Variants in CHODL observed in about 807,000 individuals in gnomAD.
CHODL encodes the protein transmembrane protein MT75.
In CHODL, 29 loss-of-function variants were observed where a neutral mutation model predicts 34.5. The observed-to-expected ratio is 0.84, with a 90% CI of 0.63 to 1.15. The LOEUF is 1.15. Ranked by LOEUF, CHODL falls within the 50% of genes most tolerant of loss-of-function variation. The probability of loss-of-function intolerance (pLI) is 0.00; values close to 1 mark genes in which losing one functional copy is unlikely to be tolerated. For missense variants in CHODL, 332 were observed against 332.5 expected, an observed-to-expected ratio of 1.00 and a Z score of 0.01; for synonymous variants, 125 against 116.1, an observed-to-expected ratio of 1.08 and a Z score of -0.49.
chr21:18,095,285 A>G (rs1268233375), intron 2 of CHODL, among the ~76,000 whole-genome samples: 1 of 152,144 alleles, frequency 6.6e-6, no homozygotes, highest in East Asian at 1.9e-4. Context: ...AAAAGGAGAG[A>G]AGATCCAAAT....
At chr21:18,165,184 G>C (rs2073138037) in intron 2 of CHODL, among the ~76,000 whole-genome samples, 1 of 152,170 alleles carries the variant, frequency 6.6e-6, no homozygotes, top group Non-Finnish European at 1.5e-5. Context: ...ATCGTCATTT[G>C]GGAGAAACAA....
chr21:18,218,957 GTC>G (rs1394153193), intron 2 of CHODL, among the ~76,000 whole-genome samples: 2 of 152,108 alleles, frequency 1.3e-5, no homozygotes, highest in African/African-American at 4.8e-5. Context: ...ACATCTTCCT[GTC>G]TTCCTAGCCC....
chr21:18,171,198 G>GTTCTTTGTTTTTTTT, intron 2 of CHODL, among the ~76,000 whole-genome samples: 1 of 37,082 alleles, frequency 2.7e-5, no homozygotes, highest in Non-Finnish European at 4.0e-5. Flanking sequence ...GTTTTCTTTA[G>GTTCTTTGTTTTTTTT]TTTTTTTTTT....
chr21:18,090,052 G>C (rs938881156), intron 2 of CHODL, among the ~76,000 whole-genome samples: 14 of 152,102 alleles, frequency 9.2e-5, no homozygotes, highest in African/African-American at 3.1e-4. Flanking sequence ...TTAGTCAGCT[G>C]GATATTCACA....
intron 2 of CHODL, among the ~76,000 whole-genome samples, chr21:18,059,783 C>T (rs1048087684): frequency 8.5e-5 from 13 of 152,084 alleles, no homozygotes; most frequent in African/African-American, 2.4e-4. Flanking sequence ...CACTTATAAG[C>T]GGGGAGTGAA....
rs2146698641 is a variant in CHODL, at chr21:18,195,023, A to G, written c.-44-61486A>G. On this transcript the variant is annotated intron_variant, in intron 2 of 6. Transcript: ENST00000400127. Reference sequence around the variant, plus strand: ...GAATACAATACATTGTTATTAATACAATACATTATTTATTTATTTATTTAT... The same window carrying G: ...GAATACAATACATTGTTATTAATACGATACATTATTTATTTATTTATTTAT... Among the ~76,000 whole-genome samples the G allele has an allele frequency of 1.4e-5, 2 of 143,338 alleles. 1 individual carries two copies. Among genetic ancestry groups the G allele is most frequent in the East Asian group, 4.0e-4 (2 of 4,954 alleles). The allele number at this position is 143,338 out of a possible 152,430, so 94.0% of individuals were successfully genotyped here. A position where few individuals can be genotyped will look rare whatever the true frequency, so the allele number is the denominator to read the frequency against.
chr21:17,985,765 A>G (rs1374121273), intron 1 of CHODL, among the ~76,000 whole-genome samples: 1 of 152,190 alleles, frequency 6.6e-6, no homozygotes, highest in African/African-American at 2.4e-5. Context: ...TGGGGAAATA[A>G]CCACTTAAAC....
chr21:17,982,580 T>G (rs2063722345), intron 1 of CHODL, among the ~76,000 whole-genome samples: 1 of 151,722 alleles, frequency 6.6e-6, no homozygotes, highest in Non-Finnish European at 1.5e-5. Flanking sequence ...TATTGTGTAC[T>G]CTTTTAAAAA....
intron 2 of CHODL, among the ~76,000 whole-genome samples, chr21:18,090,377 C>T (rs528789509): frequency 1.3e-5 from 2 of 152,202 alleles, no homozygotes; most frequent in African/African-American, 4.8e-5. Flanking sequence ...GGTCAAGAAG[C>T]CCTGCCAGGG....
At chr21:18,010,850 T>G (rs562548406) in intron 1 of CHODL, among the ~76,000 whole-genome samples, 8 of 152,366 alleles carry the variant, frequency 5.3e-5, no homozygotes, top group South Asian at 2.1e-4. Flanking sequence ...ACAGCTTTGT[T>G]TGTTTAAGCA....
chr21:17,966,354 A>G (rs2063571875), intron 1 of CHODL, among the ~76,000 whole-genome samples: 1 of 152,240 alleles, frequency 6.6e-6, no homozygotes, highest in Non-Finnish European at 1.5e-5. Context: ...TTTGGGCGGC[A>G]GTAGGTATTA....
At chr21:18,046,840 G>T (rs1055576427) in intron 2 of CHODL, among the ~76,000 whole-genome samples, 2 of 151,830 alleles carry the variant, frequency 1.3e-5, no homozygotes. Flanking sequence ...TTATCACTGC[G>T]GTCGTTAGTT....
At chr21:18,241,642 T>C (rs968061849), upstream of CHODL, among the ~76,000 whole-genome samples, 45 of 152,240 alleles carry the variant, frequency 3.0e-4, no homozygotes, top group African/African-American at 9.6e-4. Context: ...TGTCCTTCCT[T>C]GAGACGTATT....
intron 5 of CHODL, among the ~76,000 whole-genome samples, chr21:18,264,391 C>T (rs764859976): frequency 6.6e-6 from 1 of 151,878 alleles, no homozygotes; most frequent in Admixed American, 6.6e-5. Context: ...CATCTGAGGT[C>T]GGGAGTTTGA....
chr21:18,064,566 G>A (rs1156364502), intron 2 of CHODL, among the ~76,000 whole-genome samples: 2 of 152,208 alleles, frequency 1.3e-5, no homozygotes, highest in East Asian at 3.9e-4. Context: ...CTGAAATATT[G>A]GCTTATGAGC....
In CHODL at chr21:18,174,121, GTGTATA is replaced by G. The variant is rs1457161027; in HGVS notation, c.-44-82386_-44-82381del. Among the ~76,000 whole-genome samples, 82 of 60,856 alleles carry G rather than the reference GTGTATA, an allele frequency of 1.3e-3. 6 individuals carry two copies. The highest frequency in any genetic ancestry group is 3.3e-3 in the African/African-American group (67 of 20,102). 39.9% of individuals were successfully genotyped at this position (60,856 alleles called of 152,430 possible). On this transcript the variant is annotated intron_variant, in intron 2 of 6. Coordinates refer to the CHODL transcript ENST00000400127. ...AGGATATATATATATATATATCTTG[GTGTATA>G]TATATATATATATATATATATATAT... is the stretch of plus-strand genomic sequence containing the variant.
intron 4 of CHODL, among the ~76,000 whole-genome samples, chr21:18,260,902 TAAC>T (rs1189592906): frequency 2.0e-5 from 3 of 152,190 alleles, no homozygotes; most frequent in Admixed American, 2.0e-4. Flanking sequence ...GAAATTTCTC[TAAC>T]AACATGTAGG....
upstream of CHODL, among the ~76,000 whole-genome samples, chr21:18,241,998 T>C (rs1336521472): frequency 6.9e-6 from 1 of 144,922 alleles, no homozygotes; most frequent in Non-Finnish European, 1.5e-5. Flanking sequence ...ATTTGAGTCT[T>C]TTTTTTTTTT....
intron 2 of CHODL, among the ~76,000 whole-genome samples, chr21:18,160,206 G>C (rs1057266049): frequency 6.6e-6 from 1 of 152,162 alleles, no homozygotes; most frequent in Admixed American, 6.6e-5. Flanking sequence ...GATCTACACA[G>C]GGTTACATAA....
Sources: gnomAD v4.1 joint callset for allele counts (sites outside exome capture counted in the v4.1 genomes callset) on GRCh38, gnomAD v4.1.1 for gene constraint, MANE v1.5 for transcripts, NCBI Gene and HGNC (gene_info 2026-07-23, HGNC 2026-07-21) for gene names.